C4orf50: variants seen among roughly 807,000 people sequenced by gnomAD.
C4orf50 encodes the protein uncharacterized protein C4orf50.
A neutral mutation model predicts 77.2 loss-of-function variants in C4orf50; 80 were observed. The observed-to-expected ratio is 1.04, with a 90% CI of 0.87 to 1.25. C4orf50 has a LOEUF of 1.25. C4orf50 is among the 50% of genes most tolerant of loss of function. The pLI, the probability that C4orf50 is intolerant of heterozygous loss-of-function variation, is 0.00. For missense variants in C4orf50, 1,257 were observed against 1,152.9 expected, an observed-to-expected ratio of 1.09 and a Z score of -1.31; for synonymous variants, 532 against 465.3, an observed-to-expected ratio of 1.14 and a Z score of -1.84.
At chr4:5,987,573 G>C (rs1420949546) in intron 28 of C4orf50, among the ~76,000 whole-genome samples, 1 of 151,312 alleles carries the variant, frequency 6.6e-6, no homozygotes, top group Non-Finnish European at 1.5e-5. Context: ...AGGAAAGAAG[G>C]AAGAGAGAGA....
At chr4:5,910,912 T>C in intron 7 of C4orf50, among the ~76,000 whole-genome samples, 1 of 140,284 alleles carries the variant, frequency 7.1e-6, no homozygotes, top group South Asian at 2.5e-4. Flanking sequence ...TCTTTCTTTT[T>C]TTTTTTTTTT....
At chr4:5,929,197 A>G (rs1488147526) in intron 7 of C4orf50, among the ~76,000 whole-genome samples, 2 of 152,182 alleles carry the variant, frequency 1.3e-5, no homozygotes, top group Admixed American at 6.5e-5. Flanking sequence ...AAATCCCGCA[A>G]TTGGTTATAT....
At chr4:5,988,979 T>A in exon 28 of C4orf50, 1 of 1,536,030 alleles carries the variant, frequency 6.5e-7, no homozygotes. Flanking sequence ...CCTTTCAGTG[T>A]TTCATTTTCC....
intron 24 of C4orf50, among the ~76,000 whole-genome samples, chr4:6,010,006 C>A (rs1722425245): frequency 1.3e-5 from 2 of 152,220 alleles, no homozygotes; most frequent in African/African-American, 4.8e-5. Context: ...GCAGAAACTG[C>A]TGGTCCCTGC....
intron 32 of C4orf50, 59 bp from the exon 11 acceptor site, chr4:5,965,204 A>C: frequency 6.4e-7 from 1 of 1,562,762 alleles, no homozygotes; most frequent in Non-Finnish European, 8.7e-7. Flanking sequence ...AAAGTCTACA[A>C]GTGTCTGAGC....
chr4:6,011,806 C>T lies in C4orf50; in HGVS notation c.426+24G>A, dbSNP rs749309812. The T allele has an allele frequency of 7.5e-6, 3 of 399,106 alleles. No individual in the cohort carries two copies. The Admixed American group carries it at 1.3e-4, about 18-fold the overall frequency. The allele number at this position is 399,106 out of a possible 1,614,324, so 24.7% of individuals were successfully genotyped here. A position where few individuals can be genotyped will look rare whatever the true frequency, so the allele number is the denominator to read the frequency against. Reference sequence around the variant, plus strand: ...GGCTCTGCTGGACAGGAAACAGGGCCTGGAAAGGAGAAGGAAACGGTACCT... The same window carrying T: ...GGCTCTGCTGGACAGGAAACAGGGCTTGGAAAGGAGAAGGAAACGGTACCT... On this transcript the variant is annotated intron_variant, in intron 24 of 33. Transcript: ENST00000531445. This position sits in a 1 kb window ranked among gnomAD's most constrained non-coding sequence, Gnocchi z 4.2.
intron 23 of C4orf50, among the ~76,000 whole-genome samples, chr4:6,012,918 C>T (rs972355986): frequency 1.3e-5 from 2 of 152,164 alleles, no homozygotes; most frequent in African/African-American, 4.8e-5. Context: ...GCCTCCATGC[C>T]TAAGCTCTAC....
At position 6,000,154 on chromosome 4, in the gene C4orf50, A is replaced by G. The variant is rs1014998423; in HGVS notation, c.964-5678T>C. 8.6e-5 allele frequency among the ~76,000 whole-genome samples: 13 copies of G among 150,684 alleles called. No homozygotes were observed. Among genetic ancestry groups the G allele is most frequent in the Non-Finnish European group, 1.6e-4 (11 of 67,536 alleles). On this transcript the variant is annotated intron_variant, in intron 25 of 33. Coordinates refer to ENST00000531445, the Ensembl canonical transcript of C4orf50. The surrounding 1 kb of genome is among the most constrained non-coding windows in gnomAD (Gnocchi z 6.0). Reference sequence around the variant, plus strand: ...GTGTGGCTCTCGGTCCTCCTGGGTCACTCCCAGTCCTTTGAAGATGCACTG... The same window carrying G: ...GTGTGGCTCTCGGTCCTCCTGGGTCGCTCCCAGTCCTTTGAAGATGCACTG...
chr4:5,937,005 A>T (rs925313637), intron 7 of C4orf50, among the ~76,000 whole-genome samples: 1 of 152,166 alleles, frequency 6.6e-6, no homozygotes, highest in Non-Finnish European at 1.5e-5. Flanking sequence ...ATTCTATATG[A>T]AGCTAAATGA....
chr4:5,956,211 C>G (rs987574944), downstream of C4orf50, among the ~76,000 whole-genome samples: 1 of 152,202 alleles, frequency 6.6e-6, no homozygotes, highest in Non-Finnish European at 1.5e-5. Context: ...CCAGGTATCT[C>G]TACCACCATT....
chr4:5,992,549 G>A lies in C4orf50; in HGVS notation c.1221+254C>T, dbSNP rs546521864. Among the ~76,000 whole-genome samples, 47 of 152,220 alleles carry A rather than the reference G, an allele frequency of 3.1e-4. No homozygotes were observed. In the South Asian group the frequency reaches 9.8e-3, roughly 32 times the overall value. ...CTCGTGGGTGTCAGGAGGTGTCAAC[G>A]AGATGAAGCCTGTTCCGTGGAAGCC... On this transcript the variant is annotated intron_variant, in intron 27 of 33. Coordinates refer to ENST00000531445, the Ensembl canonical transcript of C4orf50. The surrounding 1 kb of genome is among the most constrained non-coding windows in gnomAD (Gnocchi z 5.0).
At chr4:5,902,312 C>G (rs1293378324) in intron 7 of C4orf50, 4 of 152,186 alleles carry the variant, frequency 2.6e-5, no homozygotes, top group African/African-American at 9.7e-5. Flanking sequence ...CTGTCAAGGA[C>G]AGTGATATTT....
At chr4:5,945,118 G>A (rs1560555601) in intron 7 of C4orf50, among the ~76,000 whole-genome samples, 1 of 152,200 alleles carries the variant, frequency 6.6e-6, no homozygotes, top group Non-Finnish European at 1.5e-5. Flanking sequence ...GGTGCCTTGG[G>A]CTGAGGGTTT....
chr4:5,945,665 C>G (rs941757864), intron 7 of C4orf50, among the ~76,000 whole-genome samples: 51 of 152,172 alleles, frequency 3.4e-4, no homozygotes, highest in Non-Finnish European at 1.5e-5. Flanking sequence ...TCAGACTTGC[C>G]CCGGCCCCTG....
At chr4:5,989,880 C>T (rs1721156205) in exon 28 of C4orf50, 1 of 1,441,300 alleles carries the variant, frequency 6.9e-7, no homozygotes, top group East Asian at 2.5e-5. Flanking sequence ...GCCCTTTGTC[C>T]TCCAGGCTTC....
chr4:5,957,442 A>G (rs946291832), exon 34 of C4orf50: 1 of 152,228 alleles, frequency 6.6e-6, no homozygotes, highest in African/African-American at 2.4e-5. Context: ...CAGAAGGCGG[A>G]TCACCAAACC....
Position 5,970,072 on chromosome 4 carries a change from T to C in C4orf50, c.4105-2610A>G, listed in dbSNP as rs898653103. Among the ~76,000 whole-genome samples, 7 of 151,410 alleles carry C rather than the reference T, an allele frequency of 4.6e-5. No individual in the cohort carries two copies. The highest frequency in any genetic ancestry group is 8.8e-5 in the Non-Finnish European group (6 of 67,924). ...TCAGGGACGGGGAAAGGGGACGATG[T>C]AACTGAATACAAACAGCAAAGGTGT... On this transcript the variant is annotated intron_variant, in intron 31 of 33. Coordinates refer to ENST00000531445, the Ensembl canonical transcript of C4orf50. This position sits in a 1 kb window ranked among gnomAD's most constrained non-coding sequence, Gnocchi z 4.3.
exon 28 of C4orf50, chr4:5,989,798 C>T: frequency 6.6e-7 from 1 of 1,512,078 alleles, no homozygotes; most frequent in Non-Finnish European, 8.8e-7. Context: ...TCCTGGGAGT[C>T]AGGCTCCTCG....
intron 7 of C4orf50, among the ~76,000 whole-genome samples, chr4:5,947,505 C>T (rs185872439): frequency 5.9e-5 from 9 of 152,298 alleles, no homozygotes; most frequent in East Asian, 5.8e-4. Context: ...GGCAACCAGG[C>T]GACCTGTCCA....
Sources: allele counts gnomAD v4.1 joint callset (sites outside exome capture counted in the v4.1 genomes callset), GRCh38; gene constraint gnomAD v4.1.1; non-coding constraint Gnocchi (gnomAD v3.1); transcripts MANE v1.5; gene names NCBI Gene and HGNC (gene_info 2026-07-23, HGNC 2026-07-21).